The following PLEKHG1 variants were observed in gnomAD, a reference collection of about 807,000 sequenced individuals.
The protein encoded by PLEKHG1 is pleckstrin homology and RhoGEF domain containing G1, also known as pleckstrin homology domain-containing family G member 1.
PLEKHG1 carries 44 observed loss-of-function variants against 100.8 expected under a neutral mutation model. The observed-to-expected ratio is 0.44, with a 90% CI of 0.34 to 0.56. PLEKHG1 has a LOEUF of 0.56. Ranked by LOEUF, PLEKHG1 falls within the 20% of genes least tolerant of loss-of-function variation. PLEKHG1 has a pLI of 0.01. For missense variants in PLEKHG1, 1,545 were observed against 1,720.9 expected (o/e 0.90, Z 1.81); for synonymous variants, 640 against 662.5 (o/e 0.97, Z 0.52).
intron 3 of PLEKHG1, among the ~76,000 whole-genome samples, chr6:150,770,799 G>T (rs1394353114): frequency 6.6e-6 from 1 of 152,144 alleles, no homozygotes; most frequent in Non-Finnish European, 1.5e-5. Flanking sequence ...GTCCACTAAT[G>T]GTCCTGTAAC....
chr6:150,751,435 T>C (rs1223581319), intron 2 of PLEKHG1, among the ~76,000 whole-genome samples: 1 of 152,192 alleles, frequency 6.6e-6, no homozygotes, highest in Non-Finnish European at 1.5e-5. Flanking sequence ...TAAATGAGTC[T>C]AATTCAAGAA....
chr6:150,745,494 C>G (rs892407109), intron 2 of PLEKHG1, among the ~76,000 whole-genome samples: 1 of 152,056 alleles, frequency 6.6e-6, no homozygotes, highest in Admixed American at 6.5e-5. Flanking sequence ...ACCAGCCTGG[C>G]CACCATGGTG....
At position 150,831,826 on chromosome 6, in the gene PLEKHG1, C is replaced by T. The variant is rs112246135; in HGVS notation, c.2715C>T (p.Ser905=). 1.9e-6 allele frequency: 3 copies of T among 1,611,728 alleles called. No individual in the cohort carries two copies. Among genetic ancestry groups the T allele is most frequent in the Non-Finnish European group, 2.5e-6 (3 of 1,178,602 alleles). ...AGGCTCTCCTCACGCCCGTGAAGAG[C>T]AGGGCTGGCAGAGCCAGCCGCGCCA... Residue 905 remains serine (S), a synonymous_variant, in exon 15 of 16, where the codon AGC becomes AGT. Transcript: ENST00000358517. This position sits in a 1 kb window ranked among gnomAD's most constrained non-coding sequence, Gnocchi z 4.1.
chr6:150,768,513 C>A, intron 2 of PLEKHG1, 125 bp from the exon 4 acceptor site: 1 of 641,206 alleles, frequency 1.6e-6, no homozygotes, highest in South Asian at 1.9e-5. Flanking sequence ...TGTGTACTCT[C>A]AGAGTTAATG....
exon 1 of PLEKHG1, chr6:150,721,189 AGTG>A (rs1321790956): frequency 2.0e-6 from 2 of 984,646 alleles, no homozygotes; most frequent in African/African-American, 3.5e-5. Flanking sequence ...CTTAAGCCTG[AGTG>A]GAGCAGAGGT....
chr6:150,782,433 A>G (rs1785365180), intron 3 of PLEKHG1, among the ~76,000 whole-genome samples: 1 of 152,122 alleles, frequency 6.6e-6, no homozygotes, highest in South Asian at 2.1e-4. Context: ...AGTATAGTAC[A>G]TTGATATGGT....
intron 1 of PLEKHG1, among the ~76,000 whole-genome samples, chr6:150,611,503 T>C (rs1562381481): frequency 6.6e-6 from 1 of 152,214 alleles, no homozygotes; most frequent in Non-Finnish European, 1.5e-5. Context: ...TACTTTTAGT[T>C]GCCGTGCCTA....
chr6:150,612,970 A>G (rs1468886388), intron 1 of PLEKHG1, among the ~76,000 whole-genome samples: 1 of 152,078 alleles, frequency 6.6e-6, no homozygotes, highest in African/African-American at 2.4e-5. Context: ...CCACTCTACT[A>G]GTTTCTCATC....
intron 6 of PLEKHG1, among the ~76,000 whole-genome samples, chr6:150,801,436 T>C (rs1284871017): frequency 8.6e-6 from 1 of 115,660 alleles, no homozygotes; most frequent in African/African-American, 3.7e-5. Context: ...TCTTTTCTTT[T>C]CTTTTTTTTT....
At chr6:150,734,374 G>A (rs1044413432) in intron 2 of PLEKHG1, among the ~76,000 whole-genome samples, 1 of 152,218 alleles carries the variant, frequency 6.6e-6, no homozygotes, top group Admixed American at 6.5e-5. Flanking sequence ...AGATGTCAGA[G>A]TGACTCACAC....
At chr6:150,687,796 G>A (rs1476501245) in intron 3 of PLEKHG1, among the ~76,000 whole-genome samples, 2 of 152,192 alleles carry the variant, frequency 1.3e-5, no homozygotes, top group African/African-American at 2.4e-5. Context: ...AAACACGAGT[G>A]TTCTTGCATT....
intron 1 of PLEKHG1, among the ~76,000 whole-genome samples, chr6:150,607,742 G>C (rs1776661048): frequency 6.6e-6 from 1 of 152,178 alleles, no homozygotes; most frequent in African/African-American, 2.4e-5. Flanking sequence ...ACATGTGTGA[G>C]AGTTTTTAGG....
chr6:150,740,684 T>C (rs1276995034), intron 2 of PLEKHG1, among the ~76,000 whole-genome samples: 2 of 152,218 alleles, frequency 1.3e-5, no homozygotes, highest in Non-Finnish European at 2.9e-5. Context: ...TACACTGTGG[T>C]ACTTGGCATC....
intron 3 of PLEKHG1, among the ~76,000 whole-genome samples, chr6:150,668,639 C>T (rs193108941): frequency 9.2e-5 from 14 of 152,292 alleles, no homozygotes; most frequent in Admixed American, 3.3e-4. Flanking sequence ...CGCAGTGTTC[C>T]TAATCAGGCC....
At chr6:150,770,846 C>G (rs1784684304) in intron 3 of PLEKHG1, among the ~76,000 whole-genome samples, 1 of 152,190 alleles carries the variant, frequency 6.6e-6, no homozygotes, top group Admixed American at 6.5e-5. Flanking sequence ...CTGGGAGGCC[C>G]CTGGCCTAGG....
intron 3 of PLEKHG1, among the ~76,000 whole-genome samples, chr6:150,692,642 GA>G (rs552980395): frequency 1.1e-3 from 162 of 152,242 alleles, no homozygotes; most frequent in African/African-American, 3.6e-3. Flanking sequence ...ATATCAGAGG[GA>G]AAAAAATGCT....
chr6:150,644,547 G>A (rs1778411862), intron 2 of PLEKHG1, among the ~76,000 whole-genome samples: 1 of 151,838 alleles, frequency 6.6e-6, no homozygotes, highest in Admixed American at 6.6e-5. Flanking sequence ...GGTCAGGCTG[G>A]TCTTGAACTC....
At chr6:150,608,662 A>G (rs1439429478) in intron 1 of PLEKHG1, among the ~76,000 whole-genome samples, 1 of 152,136 alleles carries the variant, frequency 6.6e-6, no homozygotes, top group Non-Finnish European at 1.5e-5. Flanking sequence ...TGAATCTAAT[A>G]TTTTCTTTAT....
intron 3 of PLEKHG1, among the ~76,000 whole-genome samples, chr6:150,666,642 T>C (rs9480512): frequency 0.11 from 16,779 of 152,158 alleles, 939 homozygotes; most frequent in South Asian, 0.17. Context: ...AATTGCAGTC[T>C]GGAGAGAGCT....
Sources: gnomAD v4.1 joint callset for allele counts (sites outside exome capture counted in the v4.1 genomes callset) on GRCh38, gnomAD v4.1.1 for gene constraint, Gnocchi (gnomAD v3.1) non-coding constraint, MANE v1.5 for transcripts, NCBI Gene and HGNC (gene_info 2026-07-23, HGNC 2026-07-21) for gene names.